The following SORBS2 variants were observed in gnomAD, a reference collection of about 807,000 sequenced individuals.
SORBS2 encodes sorbin and SH3 domain-containing protein 2.
In SORBS2, 46 loss-of-function variants were observed where a neutral mutation model predicts 97.7. That is an observed-to-expected ratio of 0.47 (90% CI 0.37 to 0.60). SORBS2 has a LOEUF of 0.60. Among genes scored for constraint, SORBS2 ranks in the 20% least tolerant of loss-of-function variants. SORBS2 has a pLI of 0.00. For synonymous variants in SORBS2, 476 were observed against 473.4 expected (o/e 1.01, Z -0.07); for missense variants, 1,316 against 1,282.3 (o/e 1.03, Z -0.40).
intron 1 of SORBS2, among the ~76,000 whole-genome samples, chr4:185,861,467 A>ATGAGG (rs2099223717): frequency 6.6e-6 from 1 of 152,016 alleles, no homozygotes. Context: ...GACAGGAAGG[A>ATGAGG]TTCAAATGAT....
At chr4:185,860,391 A>G (rs749403246) in intron 1 of SORBS2, among the ~76,000 whole-genome samples, 1 of 152,244 alleles carries the variant, frequency 6.6e-6, no homozygotes, top group Non-Finnish European at 1.5e-5. Flanking sequence ...GTGACAAAGC[A>G]GTGCCTGAGG....
At chr4:185,955,369 T>C (rs1034482754) in intron 1 of SORBS2, among the ~76,000 whole-genome samples, 2 of 152,212 alleles carry the variant, frequency 1.3e-5, no homozygotes, top group African/African-American at 4.8e-5. Context: ...GCCTACTGTA[T>C]AGAAGAAACA....
chr4:185,701,298 C>G (rs2098258452), intron 2 of SORBS2, among the ~76,000 whole-genome samples: 1 of 152,194 alleles, frequency 6.6e-6, no homozygotes, highest in Admixed American at 6.5e-5. Context: ...GGGTAGTCTG[C>G]CATGATGCTC....
chr4:185,887,368 C>T (rs1037706572), intron 1 of SORBS2, among the ~76,000 whole-genome samples: 8 of 152,272 alleles, frequency 5.3e-5, no homozygotes, highest in African/African-American at 1.9e-4. Context: ...AGTTCCGAAA[C>T]TGTTATAAAG....
At chr4:185,658,313 C>T (rs750936065), upstream of SORBS2, among the ~76,000 whole-genome samples, 11 of 152,210 alleles carry the variant, frequency 7.2e-5, no homozygotes, top group African/African-American at 1.7e-4. Context: ...TGAGGCTTAT[C>T]GAGTTCTTCA....
At chr4:185,827,771 C>CCATCATCAT (rs2099202326) in intron 1 of SORBS2, among the ~76,000 whole-genome samples, 2 of 47,848 alleles carry the variant, frequency 4.2e-5, no homozygotes, top group African/African-American at 7.7e-5. Flanking sequence ...ATCATCATCA[C>CCATCATCAT]CATCACCATC....
intron 1 of SORBS2, among the ~76,000 whole-genome samples, chr4:185,901,303 A>G (rs1430209284): frequency 1.3e-5 from 2 of 152,224 alleles, no homozygotes; most frequent in East Asian, 3.9e-4. Context: ...TCCTGGGTTC[A>G]AGCGATCTCC....
chr4:185,599,669 G>A (rs532437539), intron 12 of SORBS2, among the ~76,000 whole-genome samples: 1 of 152,192 alleles, frequency 6.6e-6, no homozygotes, highest in South Asian at 2.1e-4. Flanking sequence ...TGACTAGAAA[G>A]CAGTGATTTA....
intron 2 of SORBS2, among the ~76,000 whole-genome samples, chr4:185,722,045 C>A (rs530848961): frequency 6.6e-6 from 1 of 152,236 alleles, no homozygotes; most frequent in East Asian, 1.9e-4. Context: ...TATATAAACA[C>A]CATTAATACC....
At chr4:185,746,262 G>A (rs766838297) in intron 2 of SORBS2, among the ~76,000 whole-genome samples, 7 of 152,162 alleles carry the variant, frequency 4.6e-5, no homozygotes, top group South Asian at 2.1e-4. Flanking sequence ...TCAGAAGGGC[G>A]ATGGATTTCT....
At chr4:185,771,680 A>G (rs1704652502) in intron 2 of SORBS2, 1 of 152,236 alleles carries the variant, frequency 6.6e-6, no homozygotes, top group Admixed American at 6.5e-5. Context: ...TGAAATTTCA[A>G]AATGAAATTT....
chr4:185,716,508 C>A (rs2098466268), intron 2 of SORBS2, among the ~76,000 whole-genome samples: 1 of 152,236 alleles, frequency 6.6e-6, no homozygotes, highest in African/African-American at 2.4e-5. Flanking sequence ...GTGTGACTAG[C>A]GGTTGAAATA....
rs1034805482 is a variant in SORBS2, at chr4:185,656,558, G to A, written c.24+57C>T. On this transcript the variant is annotated intron_variant, in intron 1 of 14. Transcript: ENST00000418609. ...TTGGCCACACCCCAGCTTTACATGG[G>A]TCTTGCTGCAAAGTATATGCAGCTG... 9 of 1,305,104 alleles carry A rather than the reference G, an allele frequency of 6.9e-6. No homozygotes were observed. In the African/African-American group the frequency reaches 7.4e-5, roughly 11 times the overall value. 80.8% of individuals were successfully genotyped at this position (1,305,104 alleles called of 1,614,324 possible).
At chr4:185,689,599 C>T (rs922555982) in intron 2 of SORBS2, among the ~76,000 whole-genome samples, 6 of 152,294 alleles carry the variant, frequency 3.9e-5, no homozygotes, top group East Asian at 1.9e-4. Context: ...GGAGCCCGCC[C>T]GCACAGCCTT....
chr4:185,604,047 C>T (rs943538215), intron 12 of SORBS2, among the ~76,000 whole-genome samples: 5 of 152,184 alleles, frequency 3.3e-5, no homozygotes. Context: ...AGGCACTGAG[C>T]TAAGATACCT....
chr4:185,914,980 A>T (rs2099257307), intron 1 of SORBS2, among the ~76,000 whole-genome samples: 1 of 152,184 alleles, frequency 6.6e-6, no homozygotes, highest in African/African-American at 2.4e-5. Flanking sequence ...TTCAGTGGTG[A>T]CGTGTGGCAA....
At chr4:185,669,958 C>T (rs763604512) in intron 4 of SORBS2, among the ~76,000 whole-genome samples, 1 of 152,172 alleles carries the variant, frequency 6.6e-6, no homozygotes. Flanking sequence ...GTGGCTCACA[C>T]CTGTAATCCC....
chr4:185,717,137 T>G (rs989385131), intron 2 of SORBS2, among the ~76,000 whole-genome samples: 5 of 152,174 alleles, frequency 3.3e-5, no homozygotes, highest in African/African-American at 1.2e-4. Context: ...GTGGCTGGCG[T>G]GGGAGCGCCG....
intron 4 of SORBS2, chr4:185,665,946 G>A: frequency 8.1e-7 from 1 of 1,237,846 alleles, no homozygotes; most frequent in Non-Finnish European, 1.0e-6. Context: ...GGCTGTGGAT[G>A]AGGCTTTCTG....
Sources: allele counts gnomAD v4.1 joint callset (sites outside exome capture counted in the v4.1 genomes callset), GRCh38; gene constraint gnomAD v4.1.1; transcripts MANE v1.5; gene names NCBI Gene and HGNC (gene_info 2026-07-23, HGNC 2026-07-21).